The following CDH13 variants were observed in gnomAD, a reference collection of about 807,000 sequenced individuals.
CDH13 encodes cadherin-13.
CDH13 carries 24 observed loss-of-function variants against 63.8 expected under a neutral mutation model. The observed-to-expected ratio is 0.38, with a 90% CI of 0.27 to 0.53. The LOEUF is 0.53. Among genes scored for constraint, CDH13 ranks in the 20% least tolerant of loss-of-function variants. The pLI is 0.85. For missense variants in CDH13, 1,049 were observed against 903.1 expected (o/e 1.16, Z -2.07); for synonymous variants, 503 against 355.3 (o/e 1.42, Z -4.67).
chr16:83,438,034 C>T (rs1172752379), intron 6 of CDH13, among the ~76,000 whole-genome samples: 3 of 152,132 alleles, frequency 2.0e-5, no homozygotes, highest in Admixed American at 6.5e-5. Flanking sequence ...CACCGGTCTC[C>T]CTACTCTCCC....
At chr16:83,345,050 G>A (rs2090809889) in intron 6 of CDH13, 44 bp downstream of exon 6, 1 of 1,598,378 alleles carries the variant, frequency 6.3e-7, no homozygotes, top group Non-Finnish European at 8.6e-7. Flanking sequence ...CTTGGAAAGA[G>A]GCACACTTTG....
intron 2 of CDH13, among the ~76,000 whole-genome samples, chr16:82,995,105 A>G (rs1597375781): frequency 6.6e-6 from 1 of 152,328 alleles, no homozygotes; most frequent in Non-Finnish European, 1.5e-5. Flanking sequence ...CGTCATTTTA[A>G]TCATCACTAT....
At chr16:83,649,269 C>T (rs186491221) in intron 8 of CDH13, among the ~76,000 whole-genome samples, 4 of 152,356 alleles carry the variant, frequency 2.6e-5, no homozygotes, top group Non-Finnish European at 1.5e-5. Flanking sequence ...ATGTTTTCTA[C>T]TGTAATTACA....
intron 7 of CDH13, among the ~76,000 whole-genome samples, chr16:83,499,956 C>G (rs1314028424): frequency 6.6e-6 from 1 of 152,156 alleles, no homozygotes; most frequent in African/African-American, 2.4e-5. Context: ...GCGCCTGCCA[C>G]CACGCGCAGC....
chr16:83,765,505 C>T (rs1344938263), intron 11 of CDH13, among the ~76,000 whole-genome samples: 1 of 151,748 alleles, frequency 6.6e-6, no homozygotes, highest in Non-Finnish European at 1.5e-5. Context: ...TATTTTCCAC[C>T]AGACTTTTTG....
chr16:83,277,824 A>G (rs887561866), intron 5 of CDH13, among the ~76,000 whole-genome samples: 8 of 152,112 alleles, frequency 5.3e-5, no homozygotes, highest in Non-Finnish European at 1.0e-4. Context: ...TTTTTTAGTA[A>G]TTTGGTAATC....
intron 7 of CDH13, among the ~76,000 whole-genome samples, chr16:83,535,891 CAAAG>C (rs1317914649): frequency 1.8e-5 from 2 of 109,226 alleles, no homozygotes; most frequent in South Asian, 2.9e-4. Flanking sequence ...GAAAGAGAAA[CAAAG>C]AAAAGAAAAG....
At chr16:83,048,655 C>T (rs999078068) in intron 3 of CDH13, among the ~76,000 whole-genome samples, 1 of 152,202 alleles carries the variant, frequency 6.6e-6, no homozygotes, top group East Asian at 1.9e-4. Context: ...AACTCCTTTC[C>T]TCCCTCTCAG....
At position 83,047,755 on chromosome 16, in the gene CDH13, G is replaced by C. The variant is rs1325327747; in HGVS notation, c.366+15537G>C. 6.6e-6 allele frequency among the ~76,000 whole-genome samples: 1 copy of C among 152,190 alleles called. No individual in the cohort carries two copies. Among genetic ancestry groups the C allele is most frequent in the East Asian group, 1.9e-4 (1 of 5,196 alleles). ...AATGAATATTGATATTAATAATGCA[G>C]ATCGTAGTCAATTTATTTAGCTCAA... On this transcript the variant is annotated intron_variant, in intron 3 of 13. Coordinates refer to ENST00000567109, the MANE Select transcript of CDH13 (RefSeq NM_001257.5). This position sits in a 1 kb window ranked among gnomAD's most constrained non-coding sequence, Gnocchi z 4.9.
intron 3 of CDH13, among the ~76,000 whole-genome samples, chr16:83,050,733 G>A (rs1028890169): frequency 2.6e-5 from 4 of 151,994 alleles, no homozygotes; most frequent in African/African-American, 9.7e-5. Flanking sequence ...TGCCTCTCGG[G>A]GTTAACTGTG....
chr16:83,692,428 G>A (rs992080303), intron 10 of CDH13, among the ~76,000 whole-genome samples: 5 of 152,168 alleles, frequency 3.3e-5, no homozygotes, highest in East Asian at 1.9e-4. Flanking sequence ...TGATGACAGG[G>A]ATGGCTTTGC....
chr16:83,763,555 A>G (rs1175218317), intron 11 of CDH13, among the ~76,000 whole-genome samples: 1 of 152,138 alleles, frequency 6.6e-6, no homozygotes, highest in African/African-American at 2.4e-5. Flanking sequence ...TCATAGCTCA[A>G]CCAAGCTCTA....
intron 4 of CDH13, among the ~76,000 whole-genome samples, chr16:83,176,630 T>C (rs1731940684): frequency 6.6e-6 from 1 of 151,604 alleles, no homozygotes; most frequent in Admixed American, 6.6e-5. Context: ...CCACTGAGCA[T>C]CCTCAACTTT....
At chr16:82,691,415 G>C (rs994931066) in intron 1 of CDH13, among the ~76,000 whole-genome samples, 1 of 152,152 alleles carries the variant, frequency 6.6e-6, no homozygotes, top group Non-Finnish European at 1.5e-5. Flanking sequence ...AGCTATAGGG[G>C]TGAAAGTTGG....
intron 5 of CDH13, among the ~76,000 whole-genome samples, chr16:83,257,419 C>G (rs1906429058): frequency 6.7e-6 from 1 of 150,244 alleles, no homozygotes; most frequent in South Asian, 2.1e-4. Flanking sequence ...GAGGTTTCCT[C>G]TTTCCTCTCC....
chr16:83,235,937 G>A (rs1307376044), intron 5 of CDH13, among the ~76,000 whole-genome samples: 2 of 152,160 alleles, frequency 1.3e-5, no homozygotes, highest in African/African-American at 2.4e-5. Flanking sequence ...ATATTGTGCT[G>A]TAAGTTTTGA....
chr16:83,368,884 TTATATATATATATATATATATATATATA>T (rs150563585), intron 6 of CDH13, among the ~76,000 whole-genome samples: 693 of 47,698 alleles, frequency 0.015, 39 homozygotes, highest in Non-Finnish European at 0.02. Context: ...GTATTCCATG[TTATATATATATATATATATATATATATA>T]TATATATATA....
At chr16:82,685,803 A>G (rs1915008656) in intron 1 of CDH13, among the ~76,000 whole-genome samples, 2 of 152,138 alleles carry the variant, frequency 1.3e-5, no homozygotes, top group Non-Finnish European at 2.9e-5. Context: ...CAAGTCTAGA[A>G]TGTTCCACTC....
chr16:83,675,068 G>T (rs1914841871), intron 9 of CDH13, among the ~76,000 whole-genome samples: 1 of 152,068 alleles, frequency 6.6e-6, no homozygotes, highest in Admixed American at 6.5e-5. Context: ...ACCCTCTCTT[G>T]TCACTTGAAA....
Sources: allele counts gnomAD v4.1 joint callset (sites outside exome capture counted in the v4.1 genomes callset), GRCh38; gene constraint gnomAD v4.1.1; non-coding constraint Gnocchi (gnomAD v3.1); transcripts MANE v1.5; gene names NCBI Gene and HGNC (gene_info 2026-07-23, HGNC 2026-07-21).